The following TENM1 variants were observed in gnomAD, a reference collection of about 807,000 sequenced individuals.
TENM1 encodes the protein teneurin-1.
In TENM1, 35 loss-of-function variants were observed where a neutral mutation model predicts 174.8. The ratio of observed to expected loss-of-function variants is 0.20; its 90% confidence interval spans 0.15 to 0.27. TENM1 has a LOEUF of 0.27. Ranked by LOEUF, TENM1 falls within the 10% of genes least tolerant of loss-of-function variation. The pLI is 1.00. For synonymous variants in TENM1, 781 were observed against 798.7 expected, an observed-to-expected ratio of 0.98 and a Z score of 0.37; for missense variants, 1,633 against 2,130.1, an observed-to-expected ratio of 0.77 and a Z score of 4.59.
At chrX:124,413,113 C>T (rs780794132) in intron 25 of TENM1, among the ~76,000 whole-genome samples, 4 of 111,865 alleles carry the variant, frequency 3.6e-5, no homozygotes, top group African/African-American at 1.3e-4. Context: ...GAAGCATAGA[C>T]AGTTTTTCAA....
intron 21 of TENM1, among the ~76,000 whole-genome samples, chrX:124,482,541 A>G (rs1049154808): frequency 3.6e-5 from 4 of 111,269 alleles, no homozygotes; most frequent in South Asian, 3.8e-4. Context: ...CCCTTTTTCA[A>G]TTGACTACCA....
intron 5 of TENM1, among the ~76,000 whole-genome samples, chrX:124,684,519 A>G (rs375240359): frequency 1.1e-3 from 121 of 111,929 alleles, no homozygotes; most frequent in Middle Eastern, 4.6e-3. Flanking sequence ...CTGGCACCCA[A>G]TGACCAAGCT....
At chrX:124,681,698 G>A (rs1052929883) in intron 5 of TENM1, among the ~76,000 whole-genome samples, 3 of 111,536 alleles carry the variant, frequency 2.7e-5, no homozygotes, top group Admixed American at 1.9e-4. Context: ...ACTAGTGTGT[G>A]TAATAATCTT....
At chrX:124,577,962 G>A (rs183776169) in intron 11 of TENM1, among the ~76,000 whole-genome samples, 3 of 105,422 alleles carry the variant, frequency 2.8e-5, no homozygotes, top group East Asian at 3.0e-4. Context: ...GTCTCACTCC[G>A]TTGCCCAGGC....
the TENM1 span, among the ~76,000 whole-genome samples, chrX:125,188,905 A>G: frequency 8.9e-6 from 1 of 112,224 alleles, no homozygotes; most frequent in African/African-American, 3.2e-5. Flanking sequence ...AGAATCTTTC[A>G]AGGGAAGACA....
At chrX:124,858,568 T>C (rs1393351522) in intron 3 of TENM1, among the ~76,000 whole-genome samples, 2 of 111,870 alleles carry the variant, frequency 1.8e-5, no homozygotes, top group Non-Finnish European at 1.9e-5. Flanking sequence ...AGGTTAATAA[T>C]GTCATCAGAA....
chrX:124,478,210 G>A (rs1430763962), intron 22 of TENM1, among the ~76,000 whole-genome samples: 4 of 112,323 alleles, frequency 3.6e-5, no homozygotes, highest in African/African-American at 1.3e-4. Context: ...GTCTATCTTC[G>A]TGTTCGGGTA....
chrX:124,519,451 A>G (rs1288050553), intron 18 of TENM1, among the ~76,000 whole-genome samples: 1 of 110,622 alleles, frequency 9.0e-6, no homozygotes, highest in Non-Finnish European at 1.9e-5. Context: ...TTGACATACT[A>G]TAGTCTAAGA....
chrX:124,487,186 A>G (rs2046971009), intron 21 of TENM1, 23 bp downstream of exon 24: 1 of 1,161,283 alleles, frequency 8.6e-7, no homozygotes, highest in South Asian at 1.9e-5. Context: ...GGCATTAGGT[A>G]GCTGCTGATG....
At chrX:124,906,755 A>G (rs2057754925) in intron 1 of TENM1, among the ~76,000 whole-genome samples, 1 of 112,148 alleles carries the variant, frequency 8.9e-6, no homozygotes, top group Admixed American at 9.5e-5. Flanking sequence ...ATTAATATAA[A>G]TAATATAACG....
chrX:124,743,640 T>G (rs770156109), intron 3 of TENM1, among the ~76,000 whole-genome samples: 1 of 111,971 alleles, frequency 8.9e-6, no homozygotes, highest in Non-Finnish European at 1.9e-5. Context: ...TACTATTTAC[T>G]GTTTTTCGGA....
intron 11 of TENM1, among the ~76,000 whole-genome samples, chrX:124,603,703 T>G (rs1470583665): frequency 8.9e-6 from 1 of 111,906 alleles, no homozygotes; most frequent in Non-Finnish European, 1.9e-5. Context: ...ACAATAAAGA[T>G]ATTTTTGTTT....
At chrX:124,785,715 C>G (rs1411919273) in intron 3 of TENM1, among the ~76,000 whole-genome samples, 1 of 112,086 alleles carries the variant, frequency 8.9e-6, no homozygotes, top group Admixed American at 9.4e-5. Context: ...AAGTGCTAAA[C>G]AGAATGGACT....
At chrX:124,990,839 G>T in the TENM1 span, among the ~76,000 whole-genome samples, 1 of 111,731 alleles carries the variant, frequency 9.0e-6, no homozygotes, top group Non-Finnish European at 1.9e-5. Context: ...GTGAGGCTAG[G>T]GAGGAGCTCA....
intron 5 of TENM1, among the ~76,000 whole-genome samples, chrX:124,692,869 G>A (rs895564852): frequency 1.9e-5 from 2 of 107,341 alleles, no homozygotes; most frequent in Non-Finnish European, 3.8e-5. Context: ...TTAGCTGGGC[G>A]TGGTGATGCA....
chrX:125,035,689 A>G, the TENM1 span, among the ~76,000 whole-genome samples: 1 of 111,923 alleles, frequency 8.9e-6, no homozygotes, highest in African/African-American at 3.2e-5. Flanking sequence ...TAGCCAGAAA[A>G]TGGCTTTGTA....
At chrX:125,183,386 G>A in the TENM1 span, among the ~76,000 whole-genome samples, 1 of 111,562 alleles carries the variant, frequency 9.0e-6, no homozygotes, top group African/African-American at 3.3e-5. Context: ...GCACTGTCTT[G>A]TGCCCAAGTT....
At chrX:125,178,623 G>A in the TENM1 span, among the ~76,000 whole-genome samples, 1 of 111,591 alleles carries the variant, frequency 9.0e-6, no homozygotes, top group Admixed American at 9.6e-5. Flanking sequence ...TGGATATTCT[G>A]CCATACTTTG....
At chrX:124,683,272 C>G (rs1345483241) in intron 5 of TENM1, among the ~76,000 whole-genome samples, 4 of 111,772 alleles carry the variant, frequency 3.6e-5, no homozygotes, top group African/African-American at 1.3e-4. Flanking sequence ...CACTAGGACC[C>G]TATTTTTCTA....
Sources: gnomAD v4.1 joint callset for allele counts (sites outside exome capture counted in the v4.1 genomes callset) on GRCh38, gnomAD v4.1.1 for gene constraint, MANE v1.5 for transcripts, NCBI Gene and HGNC (gene_info 2026-07-23, HGNC 2026-07-21) for gene names.